FRMD4A: variants seen among roughly 807,000 people sequenced by gnomAD.
FRMD4A encodes FERM domain containing 4A.
Under a neutral mutation model 129.1 loss-of-function variants are expected in FRMD4A, and 29 were observed. That is an observed-to-expected ratio of 0.22 (90% confidence interval 0.17 to 0.31). The LOEUF is 0.31. FRMD4A is among the 10% of genes least tolerant of loss of function. The pLI is 1.00. For synonymous variants in FRMD4A, 634 were observed against 571.6 expected (o/e 1.11, Z -1.56); for missense variants, 1,272 against 1,375.8 (o/e 0.92, Z 1.19).
intron 2 of FRMD4A, among the ~76,000 whole-genome samples, chr10:14,270,025 TCTC>T (rs1480165354): frequency 6.6e-6 from 1 of 152,138 alleles, no homozygotes. Flanking sequence ...GCACCCATCT[TCTC>T]CTGTCCTTGG....
chr10:14,112,054 A>C (rs1220458876), intron 2 of FRMD4A, among the ~76,000 whole-genome samples: 1 of 151,914 alleles, frequency 6.6e-6, no homozygotes, highest in African/African-American at 2.4e-5. Flanking sequence ...ATGATGAAAT[A>C]GCTTTATGGC....
At chr10:14,310,528 G>A (rs1846511105) in intron 2 of FRMD4A, among the ~76,000 whole-genome samples, 3 of 152,174 alleles carry the variant, frequency 2.0e-5, no homozygotes, top group Non-Finnish European at 4.4e-5. Context: ...ATAGGAAAAA[G>A]GCTACCTGGA....
intron 3 of FRMD4A, among the ~76,000 whole-genome samples, chr10:13,837,514 A>G (rs2093895670): frequency 6.6e-6 from 1 of 152,234 alleles, no homozygotes; most frequent in Non-Finnish European, 1.5e-5. Context: ...TGGGGAGACT[A>G]CAGCAGTTAC....
At chr10:14,185,543 A>C (rs924624876) in intron 2 of FRMD4A, among the ~76,000 whole-genome samples, 1 of 152,232 alleles carries the variant, frequency 6.6e-6, no homozygotes, top group African/African-American at 2.4e-5. Context: ...GGAAACTTGA[A>C]ACATAAAGCA....
At chr10:13,823,217 C>A (rs542112728) in intron 3 of FRMD4A, among the ~76,000 whole-genome samples, 1 of 152,130 alleles carries the variant, frequency 6.6e-6, no homozygotes, top group South Asian at 2.1e-4. Flanking sequence ...GCCAGCCAGC[C>A]GGCTGGGGAG....
chr10:14,268,073 G>T lies in FRMD4A; in HGVS notation c.45+61985C>A, dbSNP rs182517899. Among the ~76,000 whole-genome samples, 23 of 152,208 alleles carry T rather than the reference G, an allele frequency of 1.5e-4. No individual in the cohort carries two copies. The East Asian group carries it at 4.0e-3, about 27-fold the overall frequency. The stretch of plus-strand genomic sequence containing the variant: ...CAAATGGGATAGTATATGCCAGAGT[G>T]CTCTGGAACATGATCAAAAGAGTGT... On this transcript the variant is annotated intron_variant, in intron 2 of 24. Coordinates refer to ENST00000357447, the MANE Select transcript of FRMD4A (RefSeq NM_018027.5).
At chr10:13,951,271 A>T (rs770701563) in intron 2 of FRMD4A, among the ~76,000 whole-genome samples, 1 of 152,096 alleles carries the variant, frequency 6.6e-6, no homozygotes, top group African/African-American at 2.4e-5. Context: ...GTTGGTGAGG[A>T]TGCGGGGCGC....
chr10:13,869,536 G>A (rs1327169083), intron 2 of FRMD4A, among the ~76,000 whole-genome samples: 1 of 152,244 alleles, frequency 6.6e-6, no homozygotes, highest in Non-Finnish European at 1.5e-5. Flanking sequence ...AAGGGCAGAT[G>A]GACGCTGAAA....
At position 14,041,476 on chromosome 10, in the gene FRMD4A, T is replaced by C. The variant is rs140797221; in HGVS notation, c.46-182564A>G. On this transcript the variant is annotated intron_variant, in intron 2 of 24. Coordinates refer to ENST00000357447, the MANE Select transcript of FRMD4A (RefSeq NM_018027.5). Reference sequence around the variant, plus strand: ...CTGCCACCAAAAGGGAAACATACTGTGATCTCCATACTTGAGCTATTTTGT... The same window carrying C: ...CTGCCACCAAAAGGGAAACATACTGCGATCTCCATACTTGAGCTATTTTGT... Among the ~76,000 whole-genome samples the C allele has an allele frequency of 2.2e-3, 341 of 152,370 alleles. 1 individual carries two copies. Among genetic ancestry groups the C allele is most frequent in the African/African-American group, 7.9e-3 (327 of 41,588 alleles).
chr10:14,214,234 A>T (rs1843009872), intron 2 of FRMD4A, among the ~76,000 whole-genome samples: 1 of 152,002 alleles, frequency 6.6e-6, no homozygotes, highest in Non-Finnish European at 1.5e-5. Flanking sequence ...TGGAAATGAC[A>T]CCTCCTAGAG....
At chr10:14,320,134 T>C (rs1309692748) in intron 2 of FRMD4A, among the ~76,000 whole-genome samples, 1 of 151,868 alleles carries the variant, frequency 6.6e-6, no homozygotes, top group African/African-American at 2.4e-5. Context: ...ACTGGCCCTC[T>C]CCCTCCAATG....
intron 15 of FRMD4A, among the ~76,000 whole-genome samples, chr10:13,682,497 CTTTTT>C (rs1170963559): frequency 1.8e-5 from 1 of 55,800 alleles, no homozygotes; most frequent in Non-Finnish European, 5.3e-5. Flanking sequence ...TTCTTTCTTT[CTTTTT>C]TTTTTTTTTT....
At chr10:13,777,830 G>A (rs113487249) in intron 6 of FRMD4A, among the ~76,000 whole-genome samples, 17 of 118,822 alleles carry the variant, frequency 1.4e-4, no homozygotes, top group African/African-American at 4.8e-4. Context: ...ACGGAGTCTC[G>A]CTCTGGCACC....
At chr10:13,861,624 C>G (rs2094296486) in intron 2 of FRMD4A, among the ~76,000 whole-genome samples, 1 of 152,220 alleles carries the variant, frequency 6.6e-6, no homozygotes, top group Admixed American at 6.5e-5. Context: ...TCCGCACATA[C>G]AAGTCAAAGC....
intron 2 of FRMD4A, among the ~76,000 whole-genome samples, chr10:13,943,964 G>A (rs761244752): frequency 3.9e-5 from 6 of 152,048 alleles, no homozygotes; most frequent in Non-Finnish European, 8.8e-5. Flanking sequence ...AAATAACTCC[G>A]GCCATCAGTA....
At chr10:14,084,203 G>C (rs1337436472) in intron 2 of FRMD4A, among the ~76,000 whole-genome samples, 1 of 152,206 alleles carries the variant, frequency 6.6e-6, no homozygotes, top group South Asian at 2.1e-4. Context: ...CTGGAGTGCA[G>C]TGGCATGATC....
At chr10:14,022,727 G>A (rs574263482) in intron 2 of FRMD4A, among the ~76,000 whole-genome samples, 4 of 152,200 alleles carry the variant, frequency 2.6e-5, no homozygotes, top group South Asian at 2.1e-4. Flanking sequence ...GCACACTGGG[G>A]CTATGAAAAG....
At chr10:14,080,042 G>A (rs1414411213) in intron 2 of FRMD4A, among the ~76,000 whole-genome samples, 4 of 152,192 alleles carry the variant, frequency 2.6e-5, no homozygotes, top group Non-Finnish European at 5.9e-5. Context: ...CCTCCTGCCT[G>A]GACCTCCCTG....
chr10:13,674,856 TC>T (rs1589311368), intron 16 of FRMD4A, 54 bp downstream of exon 16: 2 of 1,557,246 alleles, frequency 1.3e-6, no homozygotes, highest in Non-Finnish European at 1.8e-6. Flanking sequence ...ATCAGAAAGA[TC>T]AGTGACATCA....
Sources: gnomAD v4.1 joint callset for allele counts (sites outside exome capture counted in the v4.1 genomes callset) on GRCh38, gnomAD v4.1.1 for gene constraint, MANE v1.5 for transcripts, NCBI Gene and HGNC (gene_info 2026-07-23, HGNC 2026-07-21) for gene names.